MTERF4: variants seen among roughly 807,000 people sequenced by gnomAD.
MTERF4 encodes the protein mitochondrial transcription termination factor 4.
MTERF4 carries 17 observed loss-of-function variants against 22.5 expected under a neutral mutation model. The observed-to-expected ratio is 0.75, with a 90% confidence interval of 0.52 to 1.13. The LOEUF is 1.13. Ranked by LOEUF, MTERF4 falls within the 50% of genes most tolerant of loss-of-function variation. MTERF4 has a pLI of 0.00. For missense variants in MTERF4, 420 were observed against 466.8 expected, an observed-to-expected ratio of 0.90 and a Z score of 0.92; for synonymous variants, 165 against 175.3, an observed-to-expected ratio of 0.94 and a Z score of 0.47.
chr2:241,051,611 C>T, the MTERF4 span: 3 of 682,876 alleles, frequency 4.4e-6, no homozygotes, highest in Non-Finnish European at 4.7e-6. This position sits in a 1 kb window ranked among gnomAD's most constrained non-coding sequence, Gnocchi z 4.7. Flanking sequence ...GCCCCTGCTG[C>T]AGCCAGGCCC....
At chr2:241,088,320 A>G (rs771135591), downstream of MTERF4, 2 of 1,394,260 alleles carry the variant, frequency 1.4e-6, no homozygotes, top group South Asian at 2.3e-5. Context: ...AATTCAAGGT[A>G]CACAGTCTCT....
At chr2:241,081,566 G>A in intron 4 of MTERF4, 1 of 773,244 alleles carries the variant, frequency 1.3e-6, no homozygotes. Flanking sequence ...CACCACAGAG[G>A]AGTGCACGGC....
chr2:241,081,596 A>ATCG (rs75860962), intron 4 of MTERF4: 113,198 of 1,022,374 alleles, frequency 0.11, 8,945 homozygotes, highest in African/African-American at 0.38. Context: ...TCAGGTCATC[A>ATCG]AGGAAGGGAC....
chr2:241,078,277 G>C (rs533309075), intron 4 of MTERF4, among the ~76,000 whole-genome samples: 73 of 151,466 alleles, frequency 4.8e-4, no homozygotes, highest in Non-Finnish European at 1.0e-3. Flanking sequence ...CAGCTCCTCA[G>C]GAGGCTGAGG....
downstream of MTERF4, chr2:241,088,002 A>C (rs2063672287): frequency 2.6e-6 from 1 of 390,458 alleles, no homozygotes; most frequent in Non-Finnish European, 4.5e-6. Flanking sequence ...TGGCATTACC[A>C]AGTGTCCGGG....
chr2:241,061,385 A>G, the MTERF4 span, among the ~76,000 whole-genome samples: 1 of 152,258 alleles, frequency 6.6e-6, no homozygotes, highest in Non-Finnish European at 1.5e-5. Context: ...TGGATCAACA[A>G]GATTTCTTAT....
At chr2:241,066,711 G>A in the MTERF4 span, among the ~76,000 whole-genome samples, 1 of 152,210 alleles carries the variant, frequency 6.6e-6, no homozygotes, top group African/African-American at 2.4e-5. Context: ...CGTGAGTTTG[G>A]TGAAACCTAT....
At chr2:241,083,010 C>G (rs367665866), downstream of MTERF4, among the ~76,000 whole-genome samples, 1 of 152,208 alleles carries the variant, frequency 6.6e-6, no homozygotes, top group East Asian at 1.9e-4. Context: ...CAGAACAGAG[C>G]AGACCAAAGC....
chr2:241,069,014 G>A (rs185474591), downstream of MTERF4: 82 of 1,550,006 alleles, frequency 5.3e-5, no homozygotes, highest in Non-Finnish European at 5.9e-5. The surrounding 1 kb of genome is among the most constrained non-coding windows in gnomAD (Gnocchi z 4.9). Flanking sequence ...GCCGACGCAC[G>A]TGTGGACCCG....
chr2:241,078,468 A>G (rs1337223881), intron 4 of MTERF4, among the ~76,000 whole-genome samples: 1 of 151,862 alleles, frequency 6.6e-6, no homozygotes, highest in African/African-American at 2.4e-5. Context: ...CAACCATAAA[A>G]CAAGGACGCA....
the MTERF4 span, among the ~76,000 whole-genome samples, chr2:241,057,778 A>G: frequency 6.6e-6 from 1 of 152,220 alleles, no homozygotes; most frequent in African/African-American, 2.4e-5. Context: ...ATATATTCTC[A>G]TACAAACACA....
the MTERF4 span, chr2:241,051,932 C>T: frequency 2.7e-6 from 4 of 1,472,252 alleles, no homozygotes; most frequent in East Asian, 9.8e-5. This position sits in a 1 kb window ranked among gnomAD's most constrained non-coding sequence, Gnocchi z 4.7. Context: ...CTGATGCACC[C>T]TCCCTGCCAG....
chr2:241,052,527 A>G, the MTERF4 span: 1 of 1,277,394 alleles, frequency 7.8e-7, no homozygotes, highest in African/African-American at 1.9e-5. Context: ...GGCAGGTGAG[A>G]TGGCCAGGGC....
the MTERF4 span, chr2:241,064,138 GCCTGCCTGCTC>G: frequency 6.7e-7 from 1 of 1,495,278 alleles, no homozygotes; most frequent in Non-Finnish European, 9.0e-7. This position sits in a 1 kb window ranked among gnomAD's most constrained non-coding sequence, Gnocchi z 7.0. Flanking sequence ...AGGGCGGCAG[GCCTGCCTGCTC>G]CCCGCCCTCT....
chr2:241,068,030 A>G (rs532745325), downstream of MTERF4: 828 of 1,295,936 alleles, frequency 6.4e-4, 2 homozygotes, highest in Admixed American at 1.0e-3. The surrounding 1 kb of genome is among the most constrained non-coding windows in gnomAD (Gnocchi z 5.3). Flanking sequence ...TCTCGGGCAC[A>G]TTCTCCGTGT....
the MTERF4 span, among the ~76,000 whole-genome samples, chr2:241,065,125 C>A: frequency 6.6e-6 from 1 of 152,062 alleles, no homozygotes; most frequent in Non-Finnish European, 1.5e-5. Flanking sequence ...CACGGTCACA[C>A]ATTCAAAAGT....
chr2:241,051,479 A>T, the MTERF4 span: 1 of 376,632 alleles, frequency 2.7e-6, no homozygotes, highest in Non-Finnish European at 4.7e-6. The surrounding 1 kb of genome is among the most constrained non-coding windows in gnomAD (Gnocchi z 4.7). Flanking sequence ...GGAAGGGCCC[A>T]GCCATTGCCA....
the MTERF4 span, among the ~76,000 whole-genome samples, chr2:241,056,652 C>T: frequency 1.3e-3 from 190 of 141,864 alleles, 4 homozygotes; most frequent in Admixed American, 0.014. Flanking sequence ...ACGATCTCGG[C>T]TCACTGCAAT....
chr2:241,053,706 G>T, the MTERF4 span, among the ~76,000 whole-genome samples: 1 of 152,154 alleles, frequency 6.6e-6, no homozygotes, highest in Non-Finnish European at 1.5e-5. Context: ...AAGACTTGTG[G>T]AATCAGAACA....
Sources: gnomAD v4.1 joint callset for allele counts (sites outside exome capture counted in the v4.1 genomes callset) on GRCh38, gnomAD v4.1.1 for gene constraint, Gnocchi (gnomAD v3.1) non-coding constraint, MANE v1.5 for transcripts, NCBI Gene and HGNC (gene_info 2026-07-23, HGNC 2026-07-21) for gene names.